GNPDA2: variants seen among roughly 807,000 people sequenced by gnomAD.
GNPDA2 encodes glcN6P deaminase 2.
GNPDA2 carries 24 observed loss-of-function variants against 27.0 expected under a neutral mutation model. The ratio of observed to expected loss-of-function variants is 0.89; its 90% confidence interval spans 0.64 to 1.25. The LOEUF (loss-of-function observed/expected upper bound fraction) is 1.25, where lower values mean the gene tolerates loss of function less well. Among genes scored for constraint, GNPDA2 ranks in the 50% most tolerant of loss-of-function variants. The pLI is 0.00. For missense variants in GNPDA2, 286 were observed against 335.1 expected, an observed-to-expected ratio of 0.85 and a Z score of 1.14; for synonymous variants, 94 against 108.4, an observed-to-expected ratio of 0.87 and a Z score of 0.83.
Position 44,725,719 on chromosome 4 carries a change from A to G in GNPDA2, c.-36+755T>C, listed in dbSNP as rs143882685. Among the ~76,000 whole-genome samples the G allele has an allele frequency of 4.6e-3, 707 of 152,256 alleles. 3 individuals carry two copies. Among genetic ancestry groups the G allele is most frequent in the Middle Eastern group, 0.01 (3 of 294 alleles). On this transcript the variant is annotated intron_variant, in intron 1 of 6. Coordinates refer to ENST00000295448, the MANE Select transcript of GNPDA2 (RefSeq NM_138335.3). The stretch of plus-strand genomic sequence containing the variant: ...GATTTGACTTTTCCAGTTTTTGCCA[A>G]TCCTCAGAGATCCAAACTATTGTCG...
Position 44,702,557 on chromosome 4 carries a change from T to G in GNPDA2, c.*524A>C. ...CTCTTCAAATTTCCTTTACCAATGA[T>G]ATATAGCACAATTTTTGATGTCTAG... On this transcript the variant is annotated 3_prime_UTR_variant, in exon 7 of 7. Coordinates refer to ENST00000295448, the MANE Select transcript of GNPDA2 (RefSeq NM_138335.3). The G allele has an allele frequency of 1.0e-6, 1 of 987,286 alleles. No individual in the cohort carries two copies. The highest frequency in any genetic ancestry group is 1.2e-6 in the Non-Finnish European group (1 of 831,016). 61.2% of individuals were successfully genotyped at this position (987,286 alleles called of 1,614,324 possible).
At chr4:44,708,255 A>T (rs1716741203) in intron 5 of GNPDA2, among the ~76,000 whole-genome samples, 3 of 152,142 alleles carry the variant, frequency 2.0e-5, no homozygotes, top group African/African-American at 7.2e-5. Context: ...GTGTTGCAAA[A>T]GCAGAGTTAC....
intron 2 of GNPDA2, among the ~76,000 whole-genome samples, chr4:44,721,168 A>C (rs1051848367): frequency 2.6e-5 from 4 of 152,186 alleles, no homozygotes; most frequent in African/African-American, 9.6e-5. Context: ...GAAATTACTC[A>C]AGTGGGAAAA....
chr4:44,721,283 A>C (rs1717650196), intron 2 of GNPDA2, among the ~76,000 whole-genome samples: 1 of 152,198 alleles, frequency 6.6e-6, no homozygotes, highest in African/African-American at 2.4e-5. Flanking sequence ...TATAGACTAC[A>C]GTATACAAGG....
intron 3 of GNPDA2, among the ~76,000 whole-genome samples, chr4:44,717,711 T>C (rs1157795257): frequency 3.3e-5 from 5 of 151,932 alleles, no homozygotes; most frequent in African/African-American, 1.2e-4. Context: ...AGTGAAATGA[T>C]AGCCATGTTC....
In GNPDA2 at chr4:44,707,897, C is replaced by T. The variant is rs1716711442; in HGVS notation, c.624G>A (p.Lys208=). 2 of 1,605,840 alleles carry T rather than the reference C, an allele frequency of 1.2e-6. No homozygotes were observed. Among genetic ancestry groups the T allele is most frequent in the Admixed American group, 1.7e-5 (1 of 59,492 alleles). ...EVMILITGAH[K]AFALYKAIEE... is the part of the protein sequence containing the mutation. ...CTATTGCTTTGTACAGGGCAAATGC[C>T]TTGTGTGCCCCTGTTATAAGGATCA... is the stretch of plus-strand genomic sequence containing the variant. Residue 208 remains lysine (K), a synonymous_variant, in exon 6 of 7, where the codon AAG becomes AAA. Coordinates refer to ENST00000295448, the MANE Select transcript of GNPDA2 (RefSeq NM_138335.3).
rs1018211324 is a variant in GNPDA2, at chr4:44,722,051, T to A, written c.124+33A>T. The A allele has an allele frequency of 2.7e-6, 4 of 1,471,258 alleles. No individual in the cohort carries two copies. The East Asian group carries it at 6.8e-5, about 25-fold the overall frequency. 91.1% of individuals were successfully genotyped at this position (1,471,258 alleles called of 1,614,324 possible). On this transcript the variant is annotated intron_variant, in intron 2 of 6. Coordinates refer to ENST00000295448, the MANE Select transcript of GNPDA2 (RefSeq NM_138335.3). ...CCATCAGAATTAAATTTAGATAATA[T>A]CAGAATATAAAATGGAAAAAGTAGT...
intron 5 of GNPDA2, among the ~76,000 whole-genome samples, chr4:44,709,535 A>G (rs891065292): frequency 2.0e-5 from 3 of 152,182 alleles, no homozygotes; most frequent in African/African-American, 2.4e-5. Flanking sequence ...TTTGACAACC[A>G]GTGCTCAGGC....
In GNPDA2 at chr4:44,718,295, T is replaced by C; in HGVS notation, c.226+14A>G. 4 of 993,994 alleles carry C rather than the reference T, an allele frequency of 4.0e-6. No homozygotes were observed. The highest frequency in any genetic ancestry group is 6.0e-6 in the Non-Finnish European group (4 of 666,026). 61.6% of individuals were successfully genotyped at this position (993,994 alleles called of 1,614,324 possible). On this transcript the variant is annotated intron_variant, in intron 3 of 6. Transcript: ENST00000295448. The stretch of plus-strand genomic sequence containing the variant: ...ATACCCAAATAATGGTCAATATATT[T>C]AAGTATAGCTTACCTACATATTCAT...
intron 6 of GNPDA2, chr4:44,704,590 T>C (rs958174522): frequency 7.9e-6 from 6 of 763,166 alleles, no homozygotes; most frequent in Non-Finnish European, 9.6e-6. Flanking sequence ...TTTTAGATAT[T>C]AAGTCAAATA....
At chr4:44,711,578 AGGACTT>A (rs1716983285) in intron 4 of GNPDA2, among the ~76,000 whole-genome samples, 1 of 152,134 alleles carries the variant, frequency 6.6e-6, no homozygotes, top group Non-Finnish European at 1.5e-5. Flanking sequence ...ATACTGAGAC[AGGACTT>A]GGATCTGTCT....
rs532344398 is a variant in GNPDA2, at chr4:44,720,785, T to C, written c.124+1299A>G. Among the ~76,000 whole-genome samples, 5 of 152,266 alleles carry C rather than the reference T, an allele frequency of 3.3e-5. No individual in the cohort carries two copies. In the East Asian group the frequency reaches 9.6e-4, roughly 29 times the overall value. ...GATCCTCACTTGGCAGGTATATTAC[T>C]AGCAGTTATACTACCCAAAATAAAG... On this transcript the variant is annotated intron_variant, in intron 2 of 6. Coordinates refer to ENST00000295448, the MANE Select transcript of GNPDA2 (RefSeq NM_138335.3).
intron 6 of GNPDA2, chr4:44,704,731 A>T (rs940152548): frequency 1.0e-6 from 1 of 984,278 alleles, no homozygotes; most frequent in Admixed American, 6.2e-5. Flanking sequence ...AAACGTTACC[A>T]GAAGAAAGGT....
chr4:44,726,331 G>C (rs1417339821), intron 1 of GNPDA2, 143 bp downstream of exon 1: 1 of 152,358 alleles, frequency 6.6e-6, no homozygotes, highest in Non-Finnish European at 1.5e-5. Flanking sequence ...CGCGCCCCCA[G>C]CCTCGAGGTT....
intron 4 of GNPDA2, among the ~76,000 whole-genome samples, chr4:44,714,961 G>A (rs1268468670): frequency 6.6e-6 from 1 of 152,000 alleles, no homozygotes; most frequent in African/African-American, 2.4e-5. Context: ...GGAGGAGCGG[G>A]GAAACAACTA....
In GNPDA2 at chr4:44,717,290, G is replaced by A; in HGVS notation, c.232C>T (p.Pro78Ser). 6.8e-7 allele frequency: 1 copy of A among 1,472,172 alleles called. No homozygotes were observed. The highest frequency in any genetic ancestry group is 9.2e-7 in the Non-Finnish European group (1 of 1,088,250). The allele number at this position is 1,472,172 out of a possible 1,614,324, so 91.2% of individuals were successfully genotyped here. ...TFNMDEYVGL[P>S]RNHPESYHSY... is the part of the protein sequence containing the mutation. ...TGGTAGCTTTCAGGATGATTTCTTG[G>A]AAGTCCTAAAGATGAAGTTAATAAA... is the stretch of plus-strand genomic sequence containing the variant. The change falls in exon 4 of 7, where the codon CCA (proline) becomes TCA (serine). Residue 78 changes from proline to serine, a missense_variant. By Grantham distance (74) the Pro-to-Ser change is moderately conservative. Coordinates refer to ENST00000295448, the MANE Select transcript of GNPDA2 (RefSeq NM_138335.3).
In GNPDA2 at chr4:44,718,368, T is replaced by C; in HGVS notation, c.167A>G (p.His56Arg). Residue 56 changes from histidine (H) to arginine (R), a missense_variant, in exon 3 of 7, where the codon CAT (histidine) becomes CGT (arginine). Coordinates refer to ENST00000295448, the MANE Select transcript of GNPDA2 (RefSeq NM_138335.3). ...TTTAAAAGAAAGGTGTCCATTCTTA[T>C]GATATTCTATTAGTTTTTTATAGCA... ...LGCYKKLIEY[H>R]KNGHLSFKYV... 4 of 1,385,246 alleles carry C rather than the reference T, an allele frequency of 2.9e-6. No individual in the cohort carries two copies. Among genetic ancestry groups the C allele is most frequent in the Non-Finnish European group, 4.0e-6 (4 of 1,009,916 alleles). 85.8% of individuals were successfully genotyped at this position (1,385,246 alleles called of 1,614,324 possible). A position where few individuals can be genotyped will look rare whatever the true frequency, so the allele number is the denominator to read the frequency against.
chr4:44,710,016 A>G (rs1378188758), intron 5 of GNPDA2, among the ~76,000 whole-genome samples: 4 of 152,120 alleles, frequency 2.6e-5, no homozygotes, highest in African/African-American at 9.7e-5. Context: ...AAAAATCAGC[A>G]TAAAAACTGT....
In GNPDA2 at chr4:44,726,535, A is replaced by G. The variant is rs1217746256; in HGVS notation, c.-97T>C. On this transcript the variant is annotated 5_prime_UTR_variant, in exon 1 of 7. Transcript: ENST00000295448. The stretch of plus-strand genomic sequence containing the variant: ...GGAACAAGCAACACCCAACCACCCG[A>G]GAGCGACCCCAGCTGACCAGTGGAG... 2 of 152,358 alleles carry G rather than the reference A, an allele frequency of 1.3e-5. No homozygotes were observed. Among genetic ancestry groups the G allele is most frequent in the African/African-American group, 4.8e-5 (2 of 41,458 alleles). The allele number at this position is 152,358 out of a possible 1,614,324, so 9.4% of individuals were successfully genotyped here.
Sources: allele counts gnomAD v4.1 joint callset (sites outside exome capture counted in the v4.1 genomes callset), GRCh38; gene constraint gnomAD v4.1.1; transcripts MANE v1.5; gene names NCBI Gene and HGNC (gene_info 2026-07-23, HGNC 2026-07-21).